Variants in RHBDD1 observed in about 807,000 individuals in gnomAD.
RHBDD1 encodes the protein rhomboid-related protein 4.
RHBDD1 carries 38 observed loss-of-function variants against 36.3 expected under a neutral mutation model. The ratio of observed to expected loss-of-function variants is 1.05; its 90% CI spans 0.81 to 1.37. RHBDD1 has a LOEUF of 1.37. RHBDD1 is among the 40% of genes most tolerant of loss of function. The pLI is 0.00. For synonymous variants in RHBDD1, 151 were observed against 136.5 expected, an observed-to-expected ratio of 1.11 and a Z score of -0.74; for missense variants, 393 against 377.6, an observed-to-expected ratio of 1.04 and a Z score of -0.34.
rs778685201 is a variant in RHBDD1, at chr2:226,908,815, C to T, written c.656-7C>T. The T allele has an allele frequency of 6.3e-6, 10 of 1,596,522 alleles. No homozygotes were observed. Among genetic ancestry groups the T allele is most frequent in the African/African-American group, 4.0e-5 (3 of 74,500 alleles). On this transcript the variant is annotated splice_region_variant and splice_polypyrimidine_tract_variant and intron_variant, in intron 6 of 8. Transcript: ENST00000392062. Reference sequence around the variant, plus strand: ...GCCATTAAAATGTTTATTTCTTTTACGTTTAGGCGGTTTTTCCTCCAGTGT... The same window carrying T: ...GCCATTAAAATGTTTATTTCTTTTATGTTTAGGCGGTTTTTCCTCCAGTGT...
intron 8 of RHBDD1, among the ~76,000 whole-genome samples, chr2:226,940,769 A>G (rs1950613258): frequency 1.3e-5 from 2 of 152,134 alleles, no homozygotes; most frequent in Admixed American, 6.5e-5. Context: ...AGAGAAAACA[A>G]GAGGCTTAAT....
chr2:226,805,906 C>G, the RHBDD1 span, among the ~76,000 whole-genome samples: 12 of 152,144 alleles, frequency 7.9e-5, no homozygotes, highest in Non-Finnish European at 1.6e-4. Context: ...AATTGCAAGG[C>G]AAATCATCAT....
At chr2:226,986,751 C>A (rs192926514) in intron 8 of RHBDD1, among the ~76,000 whole-genome samples, 23 of 152,284 alleles carry the variant, frequency 1.5e-4, no homozygotes, top group Admixed American at 3.3e-4. Flanking sequence ...ATTAGTTCAA[C>A]CATTGTGGAA....
intron 5 of RHBDD1, chr2:226,895,678 G>A (rs2125540618): frequency 1.0e-6 from 1 of 985,310 alleles, no homozygotes; most frequent in Non-Finnish European, 1.2e-6. Flanking sequence ...GATTTGAATA[G>A]CAACACAGAT....
intron 8 of RHBDD1, among the ~76,000 whole-genome samples, chr2:226,977,819 T>G (rs1954874162): frequency 6.6e-6 from 1 of 152,220 alleles, no homozygotes. Context: ...AGTCTTGTCT[T>G]TGGAATGTAA....
chr2:226,877,550 CTTTTTT>C (rs80311532), intron 5 of RHBDD1, among the ~76,000 whole-genome samples: 1 of 120,804 alleles, frequency 8.3e-6, no homozygotes, highest in Non-Finnish European at 1.8e-5. Flanking sequence ...AGCCATTTTC[CTTTTTT>C]TTTTTTTTTT....
intron 8 of RHBDD1, among the ~76,000 whole-genome samples, chr2:226,989,919 A>G (rs1449347212): frequency 1.3e-5 from 2 of 152,200 alleles, no homozygotes; most frequent in Non-Finnish European, 2.9e-5. Flanking sequence ...GAGATTCCAG[A>G]TATTATTTCA....
chr2:226,818,374 GCCAGGA>G, the RHBDD1 span, among the ~76,000 whole-genome samples: 1 of 150,258 alleles, frequency 6.7e-6, no homozygotes, highest in African/African-American at 2.4e-5. Flanking sequence ...CACTGTGTTA[GCCAGGA>G]TGGTCTTCAT....
chr2:226,859,117 T>A (rs1009854736), intron 3 of RHBDD1, among the ~76,000 whole-genome samples: 1 of 152,222 alleles, frequency 6.6e-6, no homozygotes, highest in East Asian at 1.9e-4. Context: ...TTAATCAGTT[T>A]CATTTATCAT....
At chr2:226,845,146 G>A (rs1232774968) in intron 3 of RHBDD1, among the ~76,000 whole-genome samples, 1 of 151,874 alleles carries the variant, frequency 6.6e-6, no homozygotes, top group South Asian at 2.1e-4. Context: ...CTGCTTTCAG[G>A]TTTCTTCTCT....
At chr2:226,902,792 A>G (rs142346745) in intron 5 of RHBDD1, among the ~76,000 whole-genome samples, 2 of 152,356 alleles carry the variant, frequency 1.3e-5, no homozygotes, top group Admixed American at 1.3e-4. Flanking sequence ...CCGGACTGCC[A>G]GCCTCCCTTC....
At chr2:226,967,507 T>C (rs1239449253) in intron 8 of RHBDD1, among the ~76,000 whole-genome samples, 1 of 151,342 alleles carries the variant, frequency 6.6e-6, no homozygotes, top group African/African-American at 2.4e-5. Context: ...TAACATTAGG[T>C]ATATCTCCTA....
At chr2:226,819,672 T>G in the RHBDD1 span, among the ~76,000 whole-genome samples, 69 of 152,330 alleles carry the variant, frequency 4.5e-4, no homozygotes, top group Admixed American at 1.2e-3. Flanking sequence ...TCATCTGAAA[T>G]AAATCTGAGG....
At chr2:226,822,633 CAA>C in the RHBDD1 span, among the ~76,000 whole-genome samples, 204 of 71,606 alleles carry the variant, frequency 2.8e-3, no homozygotes, top group African/African-American at 6.9e-3. Flanking sequence ...TATTTTGTCT[CAA>C]AAAAAAAAAA....
intron 8 of RHBDD1, among the ~76,000 whole-genome samples, chr2:226,918,263 A>ATT (rs1390963008): frequency 6.6e-6 from 1 of 151,966 alleles, no homozygotes; most frequent in East Asian, 1.9e-4. Context: ...TGCAGTGTAT[A>ATT]ATACATCAGG....
chr2:226,892,827 CA>C (rs905922522), intron 5 of RHBDD1, among the ~76,000 whole-genome samples: 3 of 151,816 alleles, frequency 2.0e-5, no homozygotes, highest in Non-Finnish European at 2.9e-5. Context: ...AACAACATTT[CA>C]AAAAAATCAC....
At chr2:226,819,065 C>T in the RHBDD1 span, among the ~76,000 whole-genome samples, 3 of 152,128 alleles carry the variant, frequency 2.0e-5, no homozygotes, top group African/African-American at 7.2e-5. Context: ...TCCACCCGGC[C>T]CACTTGACTC....
intron 1 of RHBDD1, among the ~76,000 whole-genome samples, chr2:226,836,529 T>C (rs776980773): frequency 5.3e-5 from 8 of 152,230 alleles, no homozygotes; most frequent in Non-Finnish European, 8.8e-5. Flanking sequence ...ACCGCAGTAA[T>C]AACTTTTATT....
At position 226,867,240 on chromosome 2, in the gene RHBDD1, T is replaced by C. The variant is rs147052938; in HGVS notation, c.488T>C (p.Val163Ala). ...AACCATTATTGCCCTGGAGGCTTTG[T>C]CAACATTTTGGGCTTTCCTGTACCG... ...LNNHYCPGGF[V>A]NILGFPVPNR... Residue 163 changes from valine to alanine, a missense_variant, in exon 5 of 9, where the codon GTC becomes GCC. Physicochemically the swap from Val to Ala is moderately conservative, Grantham distance 64 (BLOSUM62 0). Coordinates refer to ENST00000392062, the MANE Select transcript of RHBDD1 (RefSeq NM_001167608.3). 102 of 1,613,542 alleles carry C rather than the reference T, an allele frequency of 6.3e-5. No homozygotes were observed. The highest frequency in any genetic ancestry group is 8.5e-5 in the Non-Finnish European group (100 of 1,179,772).
Sources: allele counts gnomAD v4.1 joint callset (sites outside exome capture counted in the v4.1 genomes callset), GRCh38; gene constraint gnomAD v4.1.1; transcripts MANE v1.5; gene names NCBI Gene and HGNC (gene_info 2026-07-23, HGNC 2026-07-21).